CDH12: variants seen among roughly 807,000 people sequenced by gnomAD.
CDH12 encodes cadherin 12.
A neutral mutation model predicts 74.1 loss-of-function variants in CDH12; 41 were observed. That is an observed-to-expected ratio of 0.55 (90% CI 0.43 to 0.72). The LOEUF (loss-of-function observed/expected upper bound fraction) is 0.72, where lower values mean the gene tolerates loss of function less well. CDH12 is among the 30% of genes least tolerant of loss of function. The probability of loss-of-function intolerance (pLI) is 0.00; values close to 1 mark genes in which losing one functional copy is unlikely to be tolerated. For missense variants in CDH12, 945 were observed against 977.2 expected (o/e 0.97, Z 0.44); for synonymous variants, 399 against 355.0 (o/e 1.12, Z -1.39).
chr5:22,510,256 C>T (rs75204337), intron 1 of CDH12, among the ~76,000 whole-genome samples: 2,714 of 152,116 alleles, frequency 0.018, 78 homozygotes, highest in African/African-American at 0.062. Context: ...AGAGGTGGTC[C>T]TATGGGCCAC....
At chr5:22,448,219 C>A (rs938505687) in intron 2 of CDH12, among the ~76,000 whole-genome samples, 4 of 150,748 alleles carry the variant, frequency 2.7e-5, no homozygotes, top group East Asian at 1.9e-4. Flanking sequence ...TTAAGCATTA[C>A]AAAAGTTTAA....
At chr5:22,834,500 T>G (rs1301793975) in intron 1 of CDH12, among the ~76,000 whole-genome samples, 1 of 152,156 alleles carries the variant, frequency 6.6e-6, no homozygotes, top group African/African-American at 2.4e-5. Context: ...ACTGTGATTT[T>G]AAAACAGGTG....
intron 1 of CDH12, among the ~76,000 whole-genome samples, chr5:22,523,901 G>A (rs1211046771): frequency 6.6e-6 from 1 of 151,880 alleles, no homozygotes; most frequent in Non-Finnish European, 1.5e-5. Flanking sequence ...TAGCTGAGGT[G>A]AAAACCACTG....
intron 1 of CDH12, among the ~76,000 whole-genome samples, chr5:22,703,620 G>A (rs1006977157): frequency 6.6e-6 from 1 of 151,918 alleles, no homozygotes; most frequent in African/African-American, 2.4e-5. Context: ...AGAAAAATGT[G>A]GCAAAAAAAT....
At chr5:22,124,025 C>T (rs980364537) in intron 4 of CDH12, among the ~76,000 whole-genome samples, 7 of 151,094 alleles carry the variant, frequency 4.6e-5, no homozygotes, top group African/African-American at 7.3e-5. Context: ...TGGAGTGCAG[C>T]GGTGCGATCT....
intron 5 of CDH12, among the ~76,000 whole-genome samples, chr5:21,999,997 C>A (rs1206353260): frequency 1.3e-5 from 2 of 152,102 alleles, no homozygotes; most frequent in Non-Finnish European, 2.9e-5. Flanking sequence ...GTATTTCCTT[C>A]CACCCATTTG....
rs1211793190 is a variant in CDH12 at position 21,802,107 on chromosome 5, T to G, written c.1256+60A>C. 3.3e-6 allele frequency: 5 copies of G among 1,499,984 alleles called. No individual in the cohort carries two copies. In the East Asian group the frequency reaches 1.2e-4, roughly 35 times the overall value. The allele number at this position is 1,499,984 out of a possible 1,614,324, so 92.9% of individuals were successfully genotyped here. On this transcript the variant is annotated intron_variant, in intron 10 of 14. Coordinates refer to ENST00000382254, the MANE Select transcript of CDH12 (RefSeq NM_004061.5). The stretch of plus-strand genomic sequence containing the variant: ...TGGACAGAGAATTGGTTCTCTGGTT[T>G]TTGTTCTTGTTTTGTTTTGTTTTCC...
chr5:21,922,357 G>C (rs923424713), intron 6 of CDH12, among the ~76,000 whole-genome samples: 1 of 152,100 alleles, frequency 6.6e-6, no homozygotes, highest in Non-Finnish European at 1.5e-5. Context: ...ATCTCATTTA[G>C]AATAAATTCA....
chr5:22,148,241 T>C (rs544561237), intron 4 of CDH12, among the ~76,000 whole-genome samples: 2 of 152,180 alleles, frequency 1.3e-5, no homozygotes, highest in Non-Finnish European at 2.9e-5. Context: ...CTGCTCCCTC[T>C]AAAACTAAAA....
At chr5:22,486,642 T>G (rs1911959) in intron 2 of CDH12, among the ~76,000 whole-genome samples, 1 of 151,720 alleles carries the variant, frequency 6.6e-6, no homozygotes, top group Admixed American at 6.6e-5. Flanking sequence ...TTGGTAGAGA[T>G]GGGGTTTCTC....
chr5:21,948,813 G>T (rs1171869258), intron 6 of CDH12, among the ~76,000 whole-genome samples: 6 of 152,186 alleles, frequency 3.9e-5, no homozygotes, highest in Non-Finnish European at 8.8e-5. Flanking sequence ...GGTGGAAGGT[G>T]ATTGGATCAT....
intron 1 of CDH12, among the ~76,000 whole-genome samples, chr5:22,851,794 G>A (rs1016781837): frequency 2.6e-5 from 4 of 151,978 alleles, no homozygotes; most frequent in African/African-American, 9.7e-5. Flanking sequence ...AAACTTACTC[G>A]GTTGAATTCT....
chr5:22,015,829 T>C (rs1240127276), intron 5 of CDH12, among the ~76,000 whole-genome samples: 1 of 152,212 alleles, frequency 6.6e-6, no homozygotes, highest in Non-Finnish European at 1.5e-5. Context: ...TGAATGTTCA[T>C]AGATGGTTAA....
intron 5 of CDH12, among the ~76,000 whole-genome samples, chr5:21,981,213 A>C (rs980513216): frequency 6.6e-6 from 1 of 152,192 alleles, no homozygotes; most frequent in Non-Finnish European, 1.5e-5. Flanking sequence ...GTTGTCAATA[A>C]AACACTACGT....
intron 1 of CDH12, among the ~76,000 whole-genome samples, chr5:22,670,060 A>G (rs995340737): frequency 6.6e-6 from 1 of 152,192 alleles, no homozygotes; most frequent in African/African-American, 2.4e-5. Flanking sequence ...AAAGGAAAAA[A>G]GGTTGAAAAG....
chr5:22,635,406 A>G (rs555328743), intron 1 of CDH12, among the ~76,000 whole-genome samples: 1 of 152,286 alleles, frequency 6.6e-6, no homozygotes, highest in African/African-American at 2.4e-5. Context: ...GAAAGGTAGG[A>G]TTAAATCTCT....
At chr5:21,937,284 T>C (rs1360102573) in intron 6 of CDH12, among the ~76,000 whole-genome samples, 1 of 152,152 alleles carries the variant, frequency 6.6e-6, no homozygotes, top group African/African-American at 2.4e-5. Context: ...ATTGGGAAAG[T>C]GTTTTAAGAA....
intron 10 of CDH12, among the ~76,000 whole-genome samples, chr5:21,785,586 T>C (rs1393766818): frequency 6.6e-6 from 1 of 152,158 alleles, no homozygotes; most frequent in Non-Finnish European, 1.5e-5. Context: ...ATAGAGAAAC[T>C]TTAGCGGTCT....
chr5:22,537,960 T>C (rs1341123918), intron 1 of CDH12, among the ~76,000 whole-genome samples: 1 of 152,196 alleles, frequency 6.6e-6, no homozygotes, highest in African/African-American at 2.4e-5. Context: ...ATTTTGGGCT[T>C]GATAATTCTT....
Sources: gnomAD v4.1 joint callset for allele counts (sites outside exome capture counted in the v4.1 genomes callset) on GRCh38, gnomAD v4.1.1 for gene constraint, MANE v1.5 for transcripts, NCBI Gene and HGNC (gene_info 2026-07-23, HGNC 2026-07-21) for gene names.